DSE: variants seen among roughly 807,000 people sequenced by gnomAD.
The protein encoded by DSE is dermatan-sulfate epimerase.
In DSE, 36 loss-of-function variants were observed where a neutral mutation model predicts 84.4. That is an observed-to-expected ratio of 0.43 (90% CI 0.33 to 0.56). DSE has a LOEUF of 0.56. DSE is among the 20% of genes least tolerant of loss of function. DSE has a pLI of 0.06. For missense variants in DSE, 862 were observed against 1,169.6 expected (o/e 0.74, Z 3.84); for synonymous variants, 410 against 430.1 (o/e 0.95, Z 0.58).
intron 2 of DSE, among the ~76,000 whole-genome samples, chr6:116,356,244 G>A (rs963001913): frequency 1.3e-5 from 2 of 152,140 alleles, no homozygotes; most frequent in Non-Finnish European, 2.9e-5. Flanking sequence ...TGGAACTATG[G>A]CTCAGAGCAT....
chr6:116,278,322 T>C, intron 2 of DSE: 1 of 646,232 alleles, frequency 1.5e-6, no homozygotes, highest in Non-Finnish European at 2.7e-6. Flanking sequence ...ATGAAGGTCA[T>C]ATGGAAGTGG....
chr6:116,351,416 T>C (rs1212449950), intron 2 of DSE, among the ~76,000 whole-genome samples: 2 of 152,206 alleles, frequency 1.3e-5, no homozygotes, highest in African/African-American at 4.8e-5. Flanking sequence ...ACTTTTATTT[T>C]TTTATTTAAG....
intron 1 of DSE, among the ~76,000 whole-genome samples, chr6:116,381,150 C>G (rs1780198797): frequency 6.6e-6 from 1 of 152,070 alleles, no homozygotes; most frequent in African/African-American, 2.4e-5. Context: ...GGGGAGATTG[C>G]TTATGGATGG....
chr6:116,354,657 G>T (rs192111484), intron 2 of DSE, among the ~76,000 whole-genome samples: 2 of 152,094 alleles, frequency 1.3e-5, no homozygotes, highest in African/African-American at 4.8e-5. Context: ...GACCCCACTG[G>T]GCAGAAACAT....
intron 2 of DSE, among the ~76,000 whole-genome samples, chr6:116,264,884 G>A (rs1010480671): frequency 6.6e-6 from 1 of 152,092 alleles, no homozygotes; most frequent in Admixed American, 6.6e-5. Flanking sequence ...TGTAATTCTG[G>A]GGGAACTTAT....
At chr6:116,370,750 C>G (rs1476265969), upstream of DSE, 1 of 880,930 alleles carries the variant, frequency 1.1e-6, no homozygotes, top group Non-Finnish European at 1.4e-6. Context: ...AGAGGAGGAG[C>G]GGGAGAAAGC....
intron 2 of DSE, among the ~76,000 whole-genome samples, chr6:116,341,833 C>T (rs1241285908): frequency 6.6e-6 from 1 of 152,078 alleles, no homozygotes; most frequent in Non-Finnish European, 1.5e-5. Context: ...GAGGCTTCTG[C>T]CTGTACCATT....
In DSE at chr6:116,372,819, A is replaced by G. The variant is rs1339240196; in HGVS notation, c.-54+1698A>G. Among the ~76,000 whole-genome samples, 8 of 152,326 alleles carry G rather than the reference A, an allele frequency of 5.3e-5. No individual in the cohort carries two copies. In the East Asian group the frequency reaches 7.7e-4, roughly 15 times the overall value. The stretch of plus-strand genomic sequence containing the variant: ...AGATAGTGCTGGTTACCTAGGTTAC[A>G]TACACAGGTATATGAGATCAGCCTT... On this transcript the variant is annotated intron_variant, in intron 1 of 5. Coordinates refer to ENST00000644252, the MANE Select transcript of DSE (RefSeq NM_013352.4).
At chr6:116,412,459 GCT>G (rs1782437082) in intron 2 of DSE, 1 of 152,250 alleles carries the variant, frequency 6.6e-6, no homozygotes, top group South Asian at 2.1e-4. Flanking sequence ...CAGACCCTCT[GCT>G]GGGAAGTGCC....
intron 1 of DSE, chr6:116,256,699 A>G (rs1209523461): frequency 1.3e-5 from 2 of 152,220 alleles, no homozygotes; most frequent in East Asian, 3.8e-4. Flanking sequence ...TATTTAAGTG[A>G]AAATTTAAAT....
chr6:116,355,330 A>T (rs901212441), intron 2 of DSE, among the ~76,000 whole-genome samples: 1 of 152,208 alleles, frequency 6.6e-6, no homozygotes, highest in African/African-American at 2.4e-5. Flanking sequence ...AAACCTTCAC[A>T]TTCTTCTAAT....
chr6:116,300,550 T>A (rs1490309505), intron 2 of DSE, among the ~76,000 whole-genome samples: 1 of 152,162 alleles, frequency 6.6e-6, no homozygotes, highest in Admixed American at 6.5e-5. Context: ...TGACATATAT[T>A]ATCTTTCTCC....
upstream of DSE, chr6:116,370,128 C>T (rs1313198747): frequency 2.1e-5 from 8 of 373,556 alleles, no homozygotes; most frequent in Non-Finnish European, 4.0e-5. Context: ...GACTCTTCTC[C>T]AGGAGGCTGT....
At chr6:116,278,446 C>T in intron 2 of DSE, 1 of 1,605,174 alleles carries the variant, frequency 6.2e-7, no homozygotes, top group Non-Finnish European at 8.5e-7. Context: ...ATACTCATTG[C>T]TGATGCCCAA....
At chr6:116,421,463 A>ATATATAT (rs1357496121) in intron 2 of DSE, among the ~76,000 whole-genome samples, 3 of 61,344 alleles carry the variant, frequency 4.9e-5, no homozygotes, top group South Asian at 7.1e-4. Flanking sequence ...ATATATATAT[A>ATATATAT]TTTTTTTTTT....
chr6:116,286,955 A>T lies in DSE; in HGVS notation c.-54+27988A>T, dbSNP rs182172177. 3.7e-3 allele frequency among the ~76,000 whole-genome samples: 559 copies of T among 152,258 alleles called. 14 individuals are homozygous for T. The highest frequency in any genetic ancestry group is 2.9e-3 in the Non-Finnish European group (197 of 67,982). ...TTACAAGCACTGTCAGCCATGTGTCAGTCATTGCATCATTACCATCATCAC... is the reference window on the plus strand; with the variant it reads ...TTACAAGCACTGTCAGCCATGTGTCTGTCATTGCATCATTACCATCATCAC... On this transcript the variant is annotated intron_variant, in intron 2 of 3. Coordinates refer to the DSE transcript ENST00000430252.
chr6:116,270,430 T>C (rs1190261181), intron 2 of DSE, among the ~76,000 whole-genome samples: 1 of 152,186 alleles, frequency 6.6e-6, no homozygotes, highest in African/African-American at 2.4e-5. Context: ...ATGCCTCTTA[T>C]AAGTAATCGC....
chr6:116,267,182 G>A (rs1562191304), intron 2 of DSE, among the ~76,000 whole-genome samples: 1 of 152,238 alleles, frequency 6.6e-6, no homozygotes, highest in Non-Finnish European at 1.5e-5. Context: ...ATATGTGATT[G>A]TAGAGGATAC....
intron 2 of DSE, among the ~76,000 whole-genome samples, chr6:116,322,614 A>G (rs1027166441): frequency 1.3e-5 from 2 of 148,790 alleles, no homozygotes; most frequent in Admixed American, 6.9e-5. Context: ...GTGATTTTTT[A>G]GGTTTCTGAT....
Sources: gnomAD v4.1 joint callset for allele counts (sites outside exome capture counted in the v4.1 genomes callset) on GRCh38, gnomAD v4.1.1 for gene constraint, MANE v1.5 for transcripts, NCBI Gene and HGNC (gene_info 2026-07-23, HGNC 2026-07-21) for gene names.